GET4: variants seen among roughly 807,000 people sequenced by gnomAD.
The protein encoded by GET4 is guided entry of tail-anchored proteins factor 4.
Under a neutral mutation model 40.0 loss-of-function variants are expected in GET4, and 20 were observed. The ratio of observed to expected loss-of-function variants is 0.50; its 90% CI spans 0.35 to 0.73. The LOEUF is 0.73. GET4 is among the 30% of genes least tolerant of loss of function. The pLI is 0.01. For missense variants in GET4, 557 were observed against 454.0 expected, an observed-to-expected ratio of 1.23 and a Z score of -2.06; for synonymous variants, 280 against 194.6, an observed-to-expected ratio of 1.44 and a Z score of -3.65.
At chr7:889,802 A>T (rs62430802) in intron 4 of GET4, among the ~76,000 whole-genome samples, 5 of 9,872 alleles carry the variant, frequency 5.1e-4, no homozygotes, top group East Asian at 2.4e-3. Context: ...GGAGGGAGCG[A>T]GAGCGGGTGT....
At chr7:892,077 C>G (rs1298358692) in intron 5 of GET4, among the ~76,000 whole-genome samples, 1 of 152,254 alleles carries the variant, frequency 6.6e-6, no homozygotes, top group African/African-American at 2.4e-5. Flanking sequence ...GCTTCATTCT[C>G]TTCACCTGTG....
At chr7:879,514 C>G (rs917228995) in intron 1 of GET4, among the ~76,000 whole-genome samples, 1 of 152,192 alleles carries the variant, frequency 6.6e-6, no homozygotes, top group South Asian at 2.1e-4. Flanking sequence ...CTGAGCAGCC[C>G]GGGCTCAGGA....
intron 4 of GET4, 59 bp downstream of exon 4, chr7:887,578 T>C (rs1211348200): frequency 2.3e-6 from 3 of 1,325,154 alleles, no homozygotes; most frequent in Middle Eastern, 5.0e-4. Flanking sequence ...TGATTTGCAC[T>C]GTGCGTTCCA....
At chr7:887,878 C>T (rs1351272880) in intron 4 of GET4, among the ~76,000 whole-genome samples, 3 of 152,212 alleles carry the variant, frequency 2.0e-5, no homozygotes, top group African/African-American at 7.2e-5. Context: ...TTTACGCTGA[C>T]CTCATCTTCT....
At chr7:883,774 A>G in intron 1 of GET4, 1 of 987,852 alleles carries the variant, frequency 1.0e-6, no homozygotes, top group East Asian at 1.1e-4. Context: ...TGGAAACCAA[A>G]ATCCTTCGCA....
rs1404597187 is a variant in GET4 at position 886,095 on chromosome 7, C to T, written c.195C>T (p.Leu65=). 3 of 1,610,696 alleles carry T rather than the reference C, an allele frequency of 1.9e-6. No individual in the cohort carries two copies. Among genetic ancestry groups the T allele is most frequent in the African/African-American group, 1.3e-5 (1 of 74,990 alleles). Residue 65 remains leucine, a synonymous_variant, in exon 2 of 9, where the codon CTC becomes CTT. Coordinates refer to ENST00000265857, the MANE Select transcript of GET4 (RefSeq NM_015949.3). Reference sequence around the variant, plus strand: ...GCAAGCACACGGAGGCCCGGGAGCTCATGTACTCGGGAGCCCTGCTCTTCT... The same window carrying T: ...GCAAGCACACGGAGGCCCGGGAGCTTATGTACTCGGGAGCCCTGCTCTTCT... ...SQSKHTEARE[L]MYSGALLFFS...
chr7:884,497 T>C, intron 1 of GET4: 2 of 528,180 alleles, frequency 3.8e-6, no homozygotes, highest in Non-Finnish European at 6.1e-6. Context: ...CTTTCTCTCT[T>C]GGGTGCGGGC....
intron 8 of GET4, 130 bp from the exon 9 acceptor site, chr7:895,204 G>A: frequency 1.7e-6 from 1 of 573,018 alleles, no homozygotes; most frequent in South Asian, 2.3e-5. Flanking sequence ...GTCGTAGACA[G>A]TAGCGATGTG....
intron 1 of GET4, chr7:884,922 C>G (rs892736637): frequency 3.3e-5 from 5 of 153,040 alleles, no homozygotes; most frequent in African/African-American, 9.7e-5. Context: ...GCTGGGACCA[C>G]AGGTGCACAC....
intron 3 of GET4, 103 bp downstream of exon 3, chr7:886,753 T>G: frequency 1.3e-6 from 1 of 794,808 alleles, no homozygotes; most frequent in South Asian, 1.5e-5. Context: ...GGGGGTCTTG[T>G]GTGCTGTGGG....
Position 893,727 on chromosome 7 carries a change from GTC to G in GET4, c.747-9_747-8del. ...CTGCTCACCCAGCACATCCCTGTGT[GTC>G]TCTGTCCCAGTGGGAAGCTGACGGT... On this transcript the variant is annotated splice_polypyrimidine_tract_variant and intron_variant, in intron 6 of 8. Coordinates refer to ENST00000265857, the MANE Select transcript of GET4 (RefSeq NM_015949.3). 1 of 1,579,412 alleles carries G rather than the reference GTC, an allele frequency of 6.3e-7. No homozygotes were observed. The highest frequency in any genetic ancestry group is 8.7e-7 in the Non-Finnish European group (1 of 1,152,398).
intron 3 of GET4, 22 bp from the exon 4 acceptor site, chr7:887,348 T>C (rs774807173): frequency 1.3e-6 from 2 of 1,571,994 alleles, no homozygotes; most frequent in Admixed American, 3.5e-5. Context: ...GTTCCTCTGA[T>C]GAGGGTCTGT....
rs370889052 is a variant in GET4 at position 895,388 on chromosome 7, G to C, written c.950G>C (p.Ser317Thr). The change falls in exon 9 of 9, where the codon AGC (serine) becomes ACC (threonine). Residue 317 changes from serine to threonine, a missense_variant. Ser to Thr is a moderately conservative substitution (Grantham distance 58). Transcript: ENST00000265857. ...GSSEQEDGEE[S>T]PSDGSPIELD ...TCAGAGCAGGAGGATGGGGAGGAGA[G>C]CCCCAGCGACGGCAGCCCCATCGAG... 22 of 1,597,562 alleles carry C rather than the reference G, an allele frequency of 1.4e-5. No homozygotes were observed. Among genetic ancestry groups the C allele is most frequent in the Non-Finnish European group, 1.8e-5 (21 of 1,166,852 alleles).
chr7:887,665 G>A lies in GET4; in HGVS notation c.466+146G>A, dbSNP rs1444930346. ...CGCGGGCCGGTCCATGGAGACCCATGCGCCATGCTAAGCCCGGGATCAGAG... is the reference window on the plus strand; with the variant it reads ...CGCGGGCCGGTCCATGGAGACCCATACGCCATGCTAAGCCCGGGATCAGAG... On this transcript the variant is annotated intron_variant, in intron 4 of 8. Coordinates refer to ENST00000265857, the MANE Select transcript of GET4 (RefSeq NM_015949.3). 24 of 566,720 alleles carry A rather than the reference G, an allele frequency of 4.2e-5. No individual in the cohort carries two copies. In the East Asian group the frequency reaches 8.3e-4, roughly 20 times the overall value. The allele number at this position is 566,720 out of a possible 1,614,324, so 35.1% of individuals were successfully genotyped here. A position where few individuals can be genotyped will look rare whatever the true frequency, so the allele number is the denominator to read the frequency against.
At chr7:877,301 C>T (rs1195031579) in intron 1 of GET4, among the ~76,000 whole-genome samples, 2 of 133,182 alleles carry the variant, frequency 1.5e-5, no homozygotes, top group East Asian at 4.3e-4. Flanking sequence ...CCTCTCCTTG[C>T]CCCCCGCCTC....
intron 1 of GET4, chr7:882,687 C>G (rs545011219): frequency 1.3e-5 from 2 of 152,486 alleles, no homozygotes; most frequent in East Asian, 1.9e-4. Flanking sequence ...GACCTTGCCC[C>G]GGGGATGGCG....
At position 892,294 on chromosome 7, in the gene GET4, A is replaced by T. The variant is rs1369990311; in HGVS notation, c.622A>T (p.Asn208Tyr). The T allele has an allele frequency of 6.3e-7, 1 of 1,588,396 alleles. No homozygotes were observed. Among genetic ancestry groups the T allele is most frequent in the Non-Finnish European group, 8.6e-7 (1 of 1,158,366 alleles). The change falls in exon 6 of 9, where the codon AAC becomes TAC. Residue 208 changes from asparagine to tyrosine, a missense_variant. Physicochemically the swap from Asn to Tyr is moderately radical, Grantham distance 143. Transcript: ENST00000265857. ...CATTTCCAGGTTTCTCTGTTTAAAA[A>T]ACAAAAGTAGCGCATCGGTGGTCTT... Reference protein sequence around the residue: ...QAVLQFLCLKNKSSASVVFTT... With the variant: ...QAVLQFLCLKYKSSASVVFTT...
At chr7:878,147 C>T in intron 1 of GET4, 4 of 403,114 alleles carry the variant, frequency 9.9e-6, no homozygotes, top group Middle Eastern at 5.7e-4. Context: ...CCTGCACGGC[C>T]GGTGTAGCCT....
At chr7:890,795 CCTGTGGGCTCTGG>C (rs1255068615) in intron 4 of GET4, 120 bp from the exon 5 acceptor site, 3 of 702,582 alleles carry the variant, frequency 4.3e-6, no homozygotes. Flanking sequence ...AGGACCTCTG[CCTGTGGGCTCTGG>C]CTGGGCTCTC....
Sources: allele counts gnomAD v4.1 joint callset (sites outside exome capture counted in the v4.1 genomes callset), GRCh38; gene constraint gnomAD v4.1.1; transcripts MANE v1.5; gene names NCBI Gene and HGNC (gene_info 2026-07-23, HGNC 2026-07-21).